The following ELAPOR1 variants were observed in gnomAD, a reference collection of about 807,000 sequenced individuals.
ELAPOR1 encodes the protein endosome/lysosome-associated apoptosis and autophagy regulator 1.
In ELAPOR1, 77 loss-of-function variants were observed where a neutral mutation model predicts 119.7. That is an observed-to-expected ratio of 0.64 (90% CI 0.54 to 0.78). The LOEUF (loss-of-function observed/expected upper bound fraction) is 0.78, where lower values mean the gene tolerates loss of function less well. Ranked by LOEUF, ELAPOR1 falls within the 30% of genes least tolerant of loss-of-function variation. The pLI is 0.00. For synonymous variants in ELAPOR1, 481 were observed against 487.2 expected (o/e 0.99, Z 0.17); for missense variants, 1,115 against 1,270.4 (o/e 0.88, Z 1.86).
intron 1 of ELAPOR1, among the ~76,000 whole-genome samples, chr1:109,161,341 C>A (rs1007387572): frequency 7.3e-6 from 1 of 136,402 alleles, no homozygotes; most frequent in Non-Finnish European, 1.5e-5. Context: ...ACCCAGGAGG[C>A]GGAGGTTACG....
chr1:109,189,270 T>A (rs976639776), intron 10 of ELAPOR1, 76 bp downstream of exon 10: 1 of 1,518,754 alleles, frequency 6.6e-7, no homozygotes, highest in East Asian at 2.4e-5. Context: ...CATTTCTTCA[T>A]AATAGTGATG....
rs1654079193 is a variant in ELAPOR1 at position 109,200,158 on chromosome 1, A to G, written c.2728A>G (p.Lys910Glu). 10 of 1,614,198 alleles carry G rather than the reference A, an allele frequency of 6.2e-6. No individual in the cohort carries two copies. The highest frequency in any genetic ancestry group is 8.5e-6 in the Non-Finnish European group (10 of 1,180,040). ...TICKTIDFWL[K>E]VGISAGTCTA... ...CTGCAAAACCATAGATTTCTGGCTG[A>G]AAGTGGGCATCTCTGCAGGCACCTG... Residue 910 changes from lysine to glutamate, a missense_variant, in exon 20 of 22, where the codon AAA becomes GAA. By Grantham distance (56) the Lys-to-Glu change is moderately conservative. Transcript: ENST00000369939.
chr1:109,125,316 C>A (rs999534640), intron 1 of ELAPOR1, among the ~76,000 whole-genome samples: 1 of 152,030 alleles, frequency 6.6e-6, no homozygotes, highest in African/African-American at 2.4e-5. Context: ...AGTGATCCAG[C>A]GCTCCTTGGC....
At chr1:109,177,216 C>A (rs1236104526) in intron 7 of ELAPOR1, among the ~76,000 whole-genome samples, 1 of 144,178 alleles carries the variant, frequency 6.9e-6, no homozygotes, top group East Asian at 2.1e-4. Flanking sequence ...CTGGACGGGG[C>A]GGCTGGCCGG....
chr1:109,147,591 CTAATG>C (rs1167115585), intron 1 of ELAPOR1, among the ~76,000 whole-genome samples: 1 of 151,956 alleles, frequency 6.6e-6, no homozygotes, highest in African/African-American at 2.4e-5. Flanking sequence ...AGAGTGAACT[CTAATG>C]TAAGCCACGA....
chr1:109,200,386 T>C (rs1450916598), intron 20 of ELAPOR1, 149 bp downstream of exon 20: 4 of 924,182 alleles, frequency 4.3e-6, no homozygotes, highest in Non-Finnish European at 6.5e-6. Flanking sequence ...TTATCCTGAC[T>C]CCTGAACAGG....
chr1:109,156,366 A>G (rs1388569280), intron 1 of ELAPOR1, among the ~76,000 whole-genome samples: 1 of 152,186 alleles, frequency 6.6e-6, no homozygotes, highest in Non-Finnish European at 1.5e-5. Context: ...ACCATTTTTA[A>G]GTCTACGGTT....
chr1:109,144,059 A>ATTTTTTTTTTTTTTTT (rs1243626258), intron 1 of ELAPOR1, among the ~76,000 whole-genome samples: 1 of 34,408 alleles, frequency 2.9e-5, no homozygotes, highest in Non-Finnish European at 7.0e-5. Context: ...ATATATTTAT[A>ATTTTTTTTTTTTTTTT]TATTTTTTTT....
At chr1:109,192,408 A>T (rs1481647014) in intron 13 of ELAPOR1, among the ~76,000 whole-genome samples, 1 of 152,172 alleles carries the variant, frequency 6.6e-6, no homozygotes, top group Non-Finnish European at 1.5e-5. Flanking sequence ...TATATGTCCT[A>T]TAAATGGTTC....
Position 109,197,688 on chromosome 1 carries a change from A to AGAGT in ELAPOR1, c.2302+35_2302+36insAGTG. 3.7e-6 allele frequency: 5 copies of AGAGT among 1,365,686 alleles called. No individual in the cohort carries two copies. In the South Asian group the frequency reaches 6.8e-5, roughly 19 times the overall value. 84.6% of individuals were successfully genotyped at this position (1,365,686 alleles called of 1,614,324 possible). A position where few individuals can be genotyped will look rare whatever the true frequency, so the allele number is the denominator to read the frequency against. On this transcript the variant is annotated intron_variant, in intron 16 of 21. Transcript: ENST00000369939. ...CTCCGCTGCCTCAGCCTTGTTTGAG[A>AGAGT]GTGTGTGTGTGTGTGTGTGTGTGTG...
At chr1:109,174,203 G>A (rs1237662006) in intron 7 of ELAPOR1, among the ~76,000 whole-genome samples, 1 of 150,660 alleles carries the variant, frequency 6.6e-6, no homozygotes, top group Non-Finnish European at 1.5e-5. Flanking sequence ...TTTTTATAGA[G>A]ACAGGGGTCT....
chr1:109,158,098 G>C lies in ELAPOR1; in HGVS notation c.154-3796G>C, dbSNP rs981639125. ...AGACGGGGTTTCACCATGATGGCCAGGCTGGTCTCAAACTCCAGACCTCAA... is the reference window on the plus strand; with the variant it reads ...AGACGGGGTTTCACCATGATGGCCACGCTGGTCTCAAACTCCAGACCTCAA... On this transcript the variant is annotated intron_variant, in intron 1 of 21. Coordinates refer to ENST00000369939, the MANE Select transcript of ELAPOR1 (RefSeq NM_020775.5). 2.0e-5 allele frequency among the ~76,000 whole-genome samples: 3 copies of C among 152,154 alleles called. No individual in the cohort carries two copies. The South Asian group carries it at 6.2e-4, about 32-fold the overall frequency.
At chr1:109,149,836 T>C (rs921556523) in intron 1 of ELAPOR1, among the ~76,000 whole-genome samples, 2 of 152,126 alleles carry the variant, frequency 1.3e-5, no homozygotes, top group Admixed American at 6.5e-5. Context: ...CAATGGATCG[T>C]TGAGAGGGGG....
At chr1:109,122,656 C>G (rs1040361053) in intron 1 of ELAPOR1, among the ~76,000 whole-genome samples, 2 of 149,238 alleles carry the variant, frequency 1.3e-5, no homozygotes, top group Admixed American at 6.7e-5. Context: ...GTGGGACTCT[C>G]TCTTTAAAAA....
chr1:109,177,501 C>T (rs1456127076), intron 7 of ELAPOR1, among the ~76,000 whole-genome samples: 6 of 111,732 alleles, frequency 5.4e-5, no homozygotes, highest in African/African-American at 1.2e-4. Context: ...GATGGGATGG[C>T]GGCCGGGAAG....
At chr1:109,173,360 G>A (rs1199202054) in intron 5 of ELAPOR1, 114 bp from the exon 6 acceptor site, 1 of 825,472 alleles carries the variant, frequency 1.2e-6, no homozygotes, top group Non-Finnish European at 2.0e-6. Context: ...AAGAGGGTCA[G>A]AAGAAGCATT....
chr1:109,142,291 A>C (rs908361066), intron 1 of ELAPOR1, among the ~76,000 whole-genome samples: 2 of 152,240 alleles, frequency 1.3e-5, no homozygotes, highest in Admixed American at 1.3e-4. Flanking sequence ...GAAGACGTAT[A>C]GGTAGAAGCT....
At chr1:109,161,302 C>T (rs913175003) in intron 1 of ELAPOR1, among the ~76,000 whole-genome samples, 19 of 148,536 alleles carry the variant, frequency 1.3e-4, no homozygotes, top group African/African-American at 3.5e-4. Flanking sequence ...CCCAGCTACT[C>T]GGGAGGCTGA....
intron 7 of ELAPOR1, among the ~76,000 whole-genome samples, chr1:109,176,614 T>TTC (rs1428737208): frequency 6.7e-6 from 1 of 149,644 alleles, no homozygotes; most frequent in Non-Finnish European, 1.5e-5. Flanking sequence ...TTCTTTTTTT[T>TTC]TTTTTTTTTA....
Sources: gnomAD v4.1 joint callset for allele counts (sites outside exome capture counted in the v4.1 genomes callset) on GRCh38, gnomAD v4.1.1 for gene constraint, MANE v1.5 for transcripts, NCBI Gene and HGNC (gene_info 2026-07-23, HGNC 2026-07-21) for gene names.